Variants in ANO3 observed in about 807,000 individuals in gnomAD.
The protein encoded by ANO3 is anoctamin 3.
In ANO3, 99 loss-of-function variants were observed where a neutral mutation model predicts 144.8. That is an observed-to-expected ratio of 0.68 (90% CI 0.58 to 0.81). ANO3 has a LOEUF of 0.81. ANO3 is among the 30% of genes least tolerant of loss of function. The pLI is 0.00. For missense variants in ANO3, 905 were observed against 1,202.2 expected (o/e 0.75, Z 3.66); for synonymous variants, 414 against 392.6 (o/e 1.05, Z -0.64).
intron 24 of ANO3, among the ~76,000 whole-genome samples, chr11:26,655,755 A>G (rs1053405564): frequency 4.6e-5 from 7 of 152,178 alleles, no homozygotes; most frequent in Non-Finnish European, 1.0e-4. Flanking sequence ...AAAATAAGCA[A>G]TGTTTATTAA....
At chr11:26,251,622 C>T (rs1217422476) in intron 1 of ANO3, among the ~76,000 whole-genome samples, 3 of 152,156 alleles carry the variant, frequency 2.0e-5, no homozygotes, top group East Asian at 3.8e-4. Context: ...TCTCACACTG[C>T]TATAACGAAA....
intron 10 of ANO3, among the ~76,000 whole-genome samples, chr11:26,540,809 A>G (rs550495761): frequency 2.0e-5 from 3 of 152,300 alleles, no homozygotes; most frequent in Admixed American, 6.5e-5. Context: ...GAGGCTGGAG[A>G]GGATGTGGAG....
chr11:26,338,721 A>G (rs1487089966), intron 1 of ANO3, among the ~76,000 whole-genome samples: 2 of 151,726 alleles, frequency 1.3e-5, no homozygotes, highest in Non-Finnish European at 2.9e-5. Context: ...ACAACTCCAG[A>G]CGTGCCACCT....
chr11:26,535,570 A>ATTTTTTT (rs1849485550), intron 9 of ANO3, among the ~76,000 whole-genome samples: 1 of 85,418 alleles, frequency 1.2e-5, no homozygotes, highest in African/African-American at 4.6e-5. Context: ...CAAGACAGCC[A>ATTTTTTT]CTTTTTTTTT....
rs977589766 is a variant in ANO3 at position 26,661,407 on chromosome 11, T to C, written c.*963T>C. ...TGACAGTACGTAGTATACATTGTGGTTTATGCAGCTCTGACACCAGTTTTT... is the reference window on the plus strand; with the variant it reads ...TGACAGTACGTAGTATACATTGTGGCTTATGCAGCTCTGACACCAGTTTTT... On this transcript the variant is annotated 3_prime_UTR_variant, in exon 27 of 27. Coordinates refer to ENST00000256737, the MANE Select transcript of ANO3 (RefSeq NM_031418.4). The C allele has an allele frequency of 7.9e-5, 12 of 152,538 alleles. No individual in the cohort carries two copies. The highest frequency in any genetic ancestry group is 2.9e-4 in the African/African-American group (12 of 41,424). The allele number at this position is 152,538 out of a possible 1,614,324, so 9.4% of individuals were successfully genotyped here. A position where few individuals can be genotyped will look rare whatever the true frequency, so the allele number is the denominator to read the frequency against.
rs535582771 is a variant in ANO3, at chr11:26,301,143, C to T, written c.155-8502C>T. Among the ~76,000 whole-genome samples the T allele has an allele frequency of 2.5e-4, 38 of 151,842 alleles. 4 individuals carry two copies. The highest frequency in any genetic ancestry group is 9.0e-4 in the African/African-American group (37 of 41,280). The stretch of plus-strand genomic sequence containing the variant: ...CTGGGATTACAAGTGTGAGCCACCA[C>T]GCCCAGCCTCTTTACTTTCTTAATT... On this transcript the variant is annotated intron_variant, in intron 1 of 27. Coordinates refer to the ANO3 transcript ENST00000672621.
intron 1 of ANO3, among the ~76,000 whole-genome samples, chr11:26,418,163 A>C (rs16915651): frequency 0.15 from 22,746 of 152,070 alleles, 1,872 homozygotes; most frequent in South Asian, 0.3. Context: ...AGGTGGCAAG[A>C]AGTGGGAAGT....
chr11:26,565,559 T>C lies in ANO3; in HGVS notation c.1447+5780T>C, dbSNP rs1251712134. 3 of 1,613,114 alleles carry C rather than the reference T, an allele frequency of 1.9e-6. No homozygotes were observed. In the Admixed American group the frequency reaches 5.0e-5, roughly 27 times the overall value. On this transcript the variant is annotated intron_variant, in intron 14 of 26. Transcript: ENST00000256737. ...TTGTGGAAATGGTAGATGTGGGTTT[T>C]AGACTGCCCAAAGAATGCTCTGCTG...
chr11:26,458,582 T>G (rs147098043), intron 3 of ANO3, among the ~76,000 whole-genome samples: 6 of 152,286 alleles, frequency 3.9e-5, no homozygotes, highest in African/African-American at 1.4e-4. Flanking sequence ...CTAAAACAGC[T>G]TTTTAACTTA....
chr11:26,615,394 T>TTA (rs201511864), intron 17 of ANO3, among the ~76,000 whole-genome samples: 52 of 128,888 alleles, frequency 4.0e-4, no homozygotes, highest in African/African-American at 1.0e-3. Flanking sequence ...TTCTGTCAGT[T>TTA]TATATATATA....
intron 6 of ANO3, among the ~76,000 whole-genome samples, chr11:26,519,538 T>G (rs1176172687): frequency 6.6e-6 from 1 of 152,160 alleles, no homozygotes; most frequent in Non-Finnish European, 1.5e-5. Context: ...CTTGTCACAG[T>G]TCTGGACGCT....
At chr11:26,459,126 C>G (rs1292306665) in intron 3 of ANO3, among the ~76,000 whole-genome samples, 1 of 151,978 alleles carries the variant, frequency 6.6e-6, no homozygotes, top group East Asian at 1.9e-4. Context: ...CATCAAATAA[C>G]CTGGTGCAGC....
intron 1 of ANO3, among the ~76,000 whole-genome samples, chr11:26,301,865 G>A (rs549970885): frequency 1.6e-4 from 24 of 152,160 alleles, no homozygotes; most frequent in Non-Finnish European, 3.2e-4. Flanking sequence ...CTCAAAGTGA[G>A]AGTGAGATAG....
chr11:26,204,703 G>C (rs957602572), intron 1 of ANO3, among the ~76,000 whole-genome samples: 1 of 152,006 alleles, frequency 6.6e-6, no homozygotes, highest in African/African-American at 2.4e-5. Flanking sequence ...GAGGTGTATG[G>C]CGTATACAGC....
At chr11:26,599,251 C>A (rs1319855187) in intron 16 of ANO3, among the ~76,000 whole-genome samples, 1 of 152,114 alleles carries the variant, frequency 6.6e-6, no homozygotes, top group Non-Finnish European at 1.5e-5. Flanking sequence ...GAAATTATAT[C>A]AGTTGACCTG....
chr11:26,496,995 TAC>T (rs1554962030), intron 4 of ANO3, among the ~76,000 whole-genome samples: 1 of 126,604 alleles, frequency 7.9e-6, no homozygotes, highest in Admixed American at 9.2e-5. Flanking sequence ...TATATATATA[TAC>T]ACACACAGAC....
At chr11:26,232,185 G>A (rs7941353) in intron 1 of ANO3, among the ~76,000 whole-genome samples, 48,765 of 151,972 alleles carry the variant, frequency 0.32, 8,569 homozygotes, top group Non-Finnish European at 0.38. Context: ...TGTCACTATG[G>A]TTGGCCCAGG....
intron 14 of ANO3, among the ~76,000 whole-genome samples, chr11:26,562,601 G>C (rs2134253391): frequency 6.6e-6 from 1 of 151,896 alleles, no homozygotes; most frequent in East Asian, 1.9e-4. Context: ...CCTGAATTAA[G>C]GTACAATGTG....
Position 26,547,570 on chromosome 11 carries a change from A to G in ANO3, c.1289+20A>G. On this transcript the variant is annotated intron_variant, in intron 12 of 26. Coordinates refer to ENST00000256737, the MANE Select transcript of ANO3 (RefSeq NM_031418.4). ...AGTAAGGTAGGCTATTAAGAGACCT[A>G]TTAAAAATATTTGGCTTGTCTTCTG... 2 of 1,607,794 alleles carry G rather than the reference A, an allele frequency of 1.2e-6. No individual in the cohort carries two copies. Among genetic ancestry groups the G allele is most frequent in the East Asian group, 4.5e-5 (2 of 44,738 alleles).
Sources: allele counts gnomAD v4.1 joint callset (sites outside exome capture counted in the v4.1 genomes callset), GRCh38; gene constraint gnomAD v4.1.1; transcripts MANE v1.5; gene names NCBI Gene and HGNC (gene_info 2026-07-23, HGNC 2026-07-21).